The following ST6GALNAC3 variants were observed in gnomAD, a reference collection of about 807,000 sequenced individuals.
ST6GALNAC3 encodes ST6 N-acetylgalactosaminide alpha-2,6-sialyltransferase 3.
ST6GALNAC3 carries 25 observed loss-of-function variants against 32.7 expected under a neutral mutation model. The ratio of observed to expected loss-of-function variants is 0.76; its 90% CI spans 0.56 to 1.07. ST6GALNAC3 has a LOEUF of 1.07. ST6GALNAC3 is among the 50% of genes least tolerant of loss of function. ST6GALNAC3 has a pLI of 0.00. For synonymous variants in ST6GALNAC3, 129 were observed against 133.1 expected (o/e 0.97, Z 0.21); for missense variants, 355 against 382.4 (o/e 0.93, Z 0.60).
intron 2 of ST6GALNAC3, among the ~76,000 whole-genome samples, chr1:76,317,828 G>T (rs1374962784): frequency 6.6e-6 from 1 of 152,130 alleles, no homozygotes; most frequent in Non-Finnish European, 1.5e-5. Context: ...AAGAAAAGTG[G>T]AATGGGAGGC....
intron 2 of ST6GALNAC3, among the ~76,000 whole-genome samples, chr1:76,349,996 A>G (rs930235713): frequency 1.3e-5 from 2 of 152,166 alleles, no homozygotes; most frequent in Non-Finnish European, 2.9e-5. Flanking sequence ...AGATAGCTTG[A>G]CTATAAAAGT....
chr1:76,487,910 G>A (rs747118601), intron 3 of ST6GALNAC3, among the ~76,000 whole-genome samples: 9 of 152,068 alleles, frequency 5.9e-5, no homozygotes, highest in Non-Finnish European at 1.0e-4. Flanking sequence ...TTTTGGTGTG[G>A]GTGCCCTTTC....
intron 2 of ST6GALNAC3, among the ~76,000 whole-genome samples, chr1:76,387,198 T>C (rs958627099): frequency 7.9e-5 from 12 of 152,166 alleles, no homozygotes; most frequent in Admixed American, 2.6e-4. Flanking sequence ...TTAAATTTCC[T>C]TAACAATGGT....
chr1:76,221,444 G>A lies in ST6GALNAC3; in HGVS notation c.19-92361G>A, dbSNP rs117133809. Among the ~76,000 whole-genome samples the A allele has an allele frequency of 4.1e-4, 63 of 152,160 alleles. 1 individual carries two copies. The East Asian group carries it at 0.011, about 26-fold the overall frequency. ...ACGACATGGATCTGGTTGTGCCAAG[G>A]TAGACATTTGAGATTACATACCGTA... On this transcript the variant is annotated intron_variant, in intron 1 of 4. Coordinates refer to ENST00000328299, the MANE Select transcript of ST6GALNAC3 (RefSeq NM_152996.4).
intron 3 of ST6GALNAC3, among the ~76,000 whole-genome samples, chr1:76,519,110 C>T (rs1411179660): frequency 2.6e-5 from 4 of 152,048 alleles, no homozygotes; most frequent in Admixed American, 6.6e-5. Flanking sequence ...AACATGCATT[C>T]TGGTTAAATT....
At chr1:76,121,885 C>T (rs749652562) in intron 1 of ST6GALNAC3, among the ~76,000 whole-genome samples, 2 of 152,148 alleles carry the variant, frequency 1.3e-5, no homozygotes, top group African/African-American at 2.4e-5. Flanking sequence ...TTCCACTCTC[C>T]GCCTCACTCA....
At chr1:76,317,438 C>T (rs1646886249) in intron 2 of ST6GALNAC3, among the ~76,000 whole-genome samples, 1 of 152,064 alleles carries the variant, frequency 6.6e-6, no homozygotes, top group African/African-American at 2.4e-5. Context: ...GACCACAAAA[C>T]CATGCTTCAG....
At chr1:76,093,862 C>CATGCCACATAAGCCAG (rs1647085087) in intron 1 of ST6GALNAC3, among the ~76,000 whole-genome samples, 1 of 152,194 alleles carries the variant, frequency 6.6e-6, no homozygotes, top group Non-Finnish European at 1.5e-5. Context: ...CTTTGTTGAA[C>CATGCCACATAAGCCAG]ATGCCACATA....
At chr1:76,458,122 A>C (rs1657986593) in intron 3 of ST6GALNAC3, among the ~76,000 whole-genome samples, 1 of 147,518 alleles carries the variant, frequency 6.8e-6, no homozygotes, top group Middle Eastern at 3.4e-3. Context: ...CAGCCAAAAA[A>C]CACATGAAAA....
intron 3 of ST6GALNAC3, among the ~76,000 whole-genome samples, chr1:76,460,222 C>A (rs1025466627): frequency 6.6e-6 from 1 of 152,044 alleles, no homozygotes; most frequent in Non-Finnish European, 1.5e-5. Context: ...TTTCATTTTC[C>A]TAATGACTAA....
At chr1:76,122,309 C>T (rs556722117) in intron 1 of ST6GALNAC3, among the ~76,000 whole-genome samples, 28 of 152,312 alleles carry the variant, frequency 1.8e-4, no homozygotes, top group African/African-American at 6.7e-4. Flanking sequence ...GCGTTATCTT[C>T]ATAGGTGGTT....
chr1:76,501,627 G>A (rs1047535324), intron 3 of ST6GALNAC3, among the ~76,000 whole-genome samples: 3 of 152,094 alleles, frequency 2.0e-5, no homozygotes, highest in Non-Finnish European at 2.9e-5. Flanking sequence ...TAAATTAAAC[G>A]AAAGATAAAG....
At chr1:76,110,733 G>A (rs1008696771) in intron 1 of ST6GALNAC3, among the ~76,000 whole-genome samples, 1 of 152,210 alleles carries the variant, frequency 6.6e-6, no homozygotes, top group African/African-American at 2.4e-5. Context: ...GTCCCAACAA[G>A]TTCAATATAA....
chr1:76,237,545 T>C, intron 1 of ST6GALNAC3, among the ~76,000 whole-genome samples: 1 of 152,146 alleles, frequency 6.6e-6, no homozygotes, highest in South Asian at 2.1e-4. Flanking sequence ...CCATGCCTGA[T>C]TTTTCAGAAA....
chr1:76,574,166 C>T (rs1238079801), intron 3 of ST6GALNAC3, among the ~76,000 whole-genome samples: 1 of 152,022 alleles, frequency 6.6e-6, no homozygotes, highest in African/African-American at 2.4e-5. Context: ...TTTAAATAAA[C>T]ACTTTAAGCA....
chr1:76,081,429 C>A (rs1009083650), intron 1 of ST6GALNAC3, among the ~76,000 whole-genome samples: 1 of 152,126 alleles, frequency 6.6e-6, no homozygotes, highest in African/African-American at 2.4e-5. Context: ...ACCTTCAGTG[C>A]CAATTTAGTA....
rs1333390909 is a variant in ST6GALNAC3 at position 76,509,411 on chromosome 1, C to G, written c.623+96994C>G. Among the ~76,000 whole-genome samples the G allele has an allele frequency of 6.6e-6, 1 of 152,062 alleles. No homozygotes were observed. Among genetic ancestry groups the G allele is most frequent in the Non-Finnish European group, 1.5e-5 (1 of 68,020 alleles). ...GGTTTGGCTGATGCTACAGGATTTT[C>G]TTGGTCAGAATCATAAAAAGATAGA... is the stretch of plus-strand genomic sequence containing the variant. On this transcript the variant is annotated intron_variant, in intron 3 of 4. Transcript: ENST00000328299. The surrounding 1 kb of genome is among the most constrained non-coding windows in gnomAD (Gnocchi z 5.5).
At chr1:76,532,425 C>T (rs1026832831) in intron 3 of ST6GALNAC3, among the ~76,000 whole-genome samples, 5 of 152,084 alleles carry the variant, frequency 3.3e-5, no homozygotes, top group Admixed American at 6.5e-5. Flanking sequence ...GCAGCTTGGT[C>T]GGAGTGAGAT....
intron 1 of ST6GALNAC3, among the ~76,000 whole-genome samples, chr1:76,178,969 G>A (rs913489989): frequency 1.3e-5 from 2 of 151,912 alleles, no homozygotes; most frequent in African/African-American, 4.8e-5. Flanking sequence ...TTTGTGGGCT[G>A]GTTTGCCCCC....
Sources: gnomAD v4.1 joint callset for allele counts (sites outside exome capture counted in the v4.1 genomes callset) on GRCh38, gnomAD v4.1.1 for gene constraint, Gnocchi (gnomAD v3.1) non-coding constraint, MANE v1.5 for transcripts, NCBI Gene and HGNC (gene_info 2026-07-23, HGNC 2026-07-21) for gene names.